Variants in HR observed in about 807,000 individuals in gnomAD.
The protein encoded by HR is lysine-specific demethylase hairless.
Under a neutral mutation model 128.6 loss-of-function variants are expected in HR, and 83 were observed. The ratio of observed to expected loss-of-function variants is 0.65; its 90% CI spans 0.54 to 0.77. The LOEUF is 0.77. Among genes scored for constraint, HR ranks in the 30% least tolerant of loss-of-function variants. The probability of loss-of-function intolerance (pLI) is 0.00; values close to 1 mark genes in which losing one functional copy is unlikely to be tolerated. For synonymous variants in HR, 681 were observed against 658.2 expected, an observed-to-expected ratio of 1.03 and a Z score of -0.53; for missense variants, 1,490 against 1,574.6, an observed-to-expected ratio of 0.95 and a Z score of 0.91.
chr8:22,117,050 A>T lies in HR; in HGVS notation c.3214-11T>A. The T allele has an allele frequency of 6.8e-7, 1 of 1,480,732 alleles. No homozygotes were observed. Among genetic ancestry groups the T allele is most frequent in the Admixed American group, 2.4e-5 (1 of 41,354 alleles). The allele number at this position is 1,480,732 out of a possible 1,614,324, so 91.7% of individuals were successfully genotyped here. A position where few individuals can be genotyped will look rare whatever the true frequency, so the allele number is the denominator to read the frequency against. On this transcript the variant is annotated splice_polypyrimidine_tract_variant and intron_variant, in intron 16 of 18. Coordinates refer to ENST00000381418, the MANE Select transcript of HR (RefSeq NM_005144.5). The stretch of plus-strand genomic sequence containing the variant: ...CCCGGCCGGGCACACCTCAAAGAAG[A>T]GAAGGGGGAATGAGCGAGATGGGGA...
Position 22,127,615 on chromosome 8 carries a change from C to A in HR, c.827G>T (p.Trp276Leu). 1 of 1,611,180 alleles carries A rather than the reference C, an allele frequency of 6.2e-7. No homozygotes were observed. The highest frequency in any genetic ancestry group is 8.5e-7 in the Non-Finnish European group (1 of 1,179,566). ...TGGGGGACAAGCGGGCCAGGAGGTC[C>A]AGGGCACAGTGTCTGGCTGCCCCAG... is the stretch of plus-strand genomic sequence containing the variant. ...LFLGQPDTVP[W>L]TSWPACPPGL... is the part of the protein sequence containing the mutation. Residue 276 changes from tryptophan to leucine, a missense_variant, in exon 3 of 19, where the codon TGG becomes TTG. By Grantham distance (61) the Trp-to-Leu change is moderately conservative. Around this residue, in one of 3 missense-constraint regions of HR, gnomAD observed 1,060 missense variants for 1,060.9 expected, o/e 1.00. Coordinates refer to ENST00000381418, the MANE Select transcript of HR (RefSeq NM_005144.5).
Position 22,125,828 on chromosome 8 carries a change from C to T in HR, c.1406-96G>A. On this transcript the variant is annotated intron_variant, in intron 3 of 18. Transcript: ENST00000381418. ...CGCCCACCCCATCCACACTCAGAGC[C>T]AGCCCAGTTCCTCGCCCCAGGTCTC... 2.2e-6 allele frequency: 3 copies of T among 1,393,738 alleles called. 1 individual carries two copies. The highest frequency in any genetic ancestry group is 4.0e-5 in the Admixed American group (2 of 50,572). 86.3% of individuals were successfully genotyped at this position (1,393,738 alleles called of 1,614,324 possible). A position where few individuals can be genotyped will look rare whatever the true frequency, so the allele number is the denominator to read the frequency against.
chr8:22,125,135 C>T (rs188065434), intron 5 of HR, among the ~76,000 whole-genome samples, 176 bp downstream of exon 5: 12 of 152,360 alleles, frequency 7.9e-5, no homozygotes, highest in Non-Finnish European at 1.5e-4. Context: ...AGCCCAAAAA[C>T]TCCCAGAGAA....
In HR at chr8:22,119,359, G is replaced by A. The variant is rs12677278; in HGVS notation, c.2978-76C>T. 748,767 of 1,595,280 alleles carry A rather than the reference G, an allele frequency of 0.47. 179,972 individuals are homozygous for A. The highest frequency in any genetic ancestry group is 0.68 in the African/African-American group (51,188 of 74,766). On this transcript the variant is annotated intron_variant, in intron 14 of 18. Coordinates refer to ENST00000381418, the MANE Select transcript of HR (RefSeq NM_005144.5). ...CGCGGTTGCTCACGCCTGTAATCCTGGCACTTTGGGAGGCCCAGGCGGGCA... is the reference window on the plus strand; with the variant it reads ...CGCGGTTGCTCACGCCTGTAATCCTAGCACTTTGGGAGGCCCAGGCGGGCA...
In HR at chr8:22,115,443, T is replaced by G; in HGVS notation, c.*257A>C. On this transcript the variant is annotated 3_prime_UTR_variant, in exon 19 of 19. Coordinates refer to ENST00000381418, the MANE Select transcript of HR (RefSeq NM_005144.5). ...ATTGGAGGAAGTCAATTGCCCCCAGTGCGGGCCTGGTACCATGAAAAGGGG... is the reference window on the plus strand; with the variant it reads ...ATTGGAGGAAGTCAATTGCCCCCAGGGCGGGCCTGGTACCATGAAAAGGGG... The G allele has an allele frequency of 8.6e-6, 5 of 584,706 alleles. No individual in the cohort carries two copies. The highest frequency in any genetic ancestry group is 6.0e-5 in the South Asian group (3 of 50,278). 36.2% of individuals were successfully genotyped at this position (584,706 alleles called of 1,614,324 possible).
chr8:22,117,246 A>G (rs1826616698), intron 16 of HR: 9 of 560,058 alleles, frequency 1.6e-5, no homozygotes, highest in Middle Eastern at 4.5e-4. Context: ...GAAGGAGCTT[A>G]GAAGGAAGGG....
chr8:22,118,857 G>T (rs571843103), intron 16 of HR, 93 bp downstream of exon 16: 1 of 1,083,480 alleles, frequency 9.2e-7, no homozygotes, highest in South Asian at 1.3e-5. Flanking sequence ...GTGGGGCAGG[G>T]AGCGAGCACA....
intron 14 of HR, 112 bp from the exon 15 acceptor site, chr8:22,119,395 G>C (rs1826676782): frequency 1.1e-5 from 16 of 1,476,986 alleles, no homozygotes. Flanking sequence ...GATCACCTGA[G>C]GTCAGGAGTT....
At chr8:22,130,086 T>C (rs1243072131) in intron 1 of HR, among the ~76,000 whole-genome samples, 1 of 152,108 alleles carries the variant, frequency 6.6e-6, no homozygotes, top group Non-Finnish European at 1.5e-5. Context: ...GAAAGCGGGC[T>C]GGGCCCCAGA....
Position 22,129,205 on chromosome 8 carries a change from G to T in HR, c.-35C>A, listed in dbSNP as rs762151520. On this transcript the variant is annotated 5_prime_UTR_variant, in exon 2 of 19. Coordinates refer to ENST00000381418, the MANE Select transcript of HR (RefSeq NM_005144.5). ...GCCCTCATGGGGCTCTCCCAGAGGG[G>T]GGTCCCTGGAGCATAACCATCAAAG... The T allele has an allele frequency of 2.6e-6, 4 of 1,516,380 alleles. No individual in the cohort carries two copies. The highest frequency in any genetic ancestry group is 2.3e-5 in the Admixed American group (1 of 44,106). 93.9% of individuals were successfully genotyped at this position (1,516,380 alleles called of 1,614,324 possible).
In HR at chr8:22,120,911, C is replaced by T. The variant is rs1231495092; in HGVS notation, c.2415G>A (p.Val805=). The part of the protein sequence containing the change: ...NILDSIIAQV[V]ERKIQEKALG... Reference sequence around the variant, plus strand: ...GGGCTTTCTCCTGGATCTTCCGTTCCACCACCTGTGCGATAATGCTGTCCA... The same window carrying T: ...GGGCTTTCTCCTGGATCTTCCGTTCTACCACCTGTGCGATAATGCTGTCCA... The change falls in exon 11 of 19, where the codon GTG becomes GTA. Residue 805 remains valine (V), a synonymous_variant. Transcript: ENST00000381418. The T allele has an allele frequency of 8.3e-6, 13 of 1,564,552 alleles. No individual in the cohort carries two copies. In the African/African-American group the frequency reaches 1.2e-4, roughly 15 times the overall value.
At position 22,116,404 on chromosome 8, in the gene HR, T is replaced by G; in HGVS notation, c.3403A>C (p.Ser1135Arg). 2 of 1,613,760 alleles carry G rather than the reference T, an allele frequency of 1.2e-6. No homozygotes were observed. The highest frequency in any genetic ancestry group is 2.7e-5 in the African/African-American group (2 of 75,026). The stretch of plus-strand genomic sequence containing the variant: ...GGGGAGAGGAAGTGCTGAGTGACGC[T>G]GACTGTGCTCACCAGGCCCTGCACC... ...HQVQGLVSTV[S>R]VTQHFLSPET... The change falls in exon 18 of 19, where the codon AGC becomes CGC. Residue 1135 changes from serine to arginine, a missense_variant. Physicochemically the swap from Ser to Arg is moderately radical, Grantham distance 110. Around this residue, in one of 3 missense-constraint regions of HR, gnomAD observed 423 missense variants for 495.9 expected, o/e 0.85. Transcript: ENST00000381418. This position sits in a 1 kb window ranked among gnomAD's most constrained non-coding sequence, Gnocchi z 4.2.
At position 22,117,217 on chromosome 8, in the gene HR, C is replaced by T. The variant is rs143730938; in HGVS notation, c.3214-178G>A. On this transcript the variant is annotated intron_variant, in intron 16 of 18. Coordinates refer to ENST00000381418, the MANE Select transcript of HR (RefSeq NM_005144.5). Reference sequence around the variant, plus strand: ...TTGGGGCTGGGGCAGCTCAGGTTGGCAGAACACACATTTGGCTGGAAGGAG... The same window carrying T: ...TTGGGGCTGGGGCAGCTCAGGTTGGTAGAACACACATTTGGCTGGAAGGAG... 10 of 601,180 alleles carry T rather than the reference C, an allele frequency of 1.7e-5. No individual in the cohort carries two copies. The East Asian group carries it at 3.0e-4, about 18-fold the overall frequency. The allele number at this position is 601,180 out of a possible 1,614,324, so 37.2% of individuals were successfully genotyped here.
In HR at chr8:22,123,771, C is replaced by T. The variant is rs370008675; in HGVS notation, c.1793G>A (p.Arg598His). Residue 598 changes from arginine to histidine, a missense_variant, in exon 6 of 19, where the codon CGC becomes CAC. Transcript: ENST00000381418. The stretch of plus-strand genomic sequence containing the variant: ...TCCATGGTGGCAACGGCTGCAGCAG[C>T]GTGGAATGCCTGGGCTGTCCTCTGT... ...AVTEDSPGIP[R>H]CCSRCHHGLF... 1.2e-5 allele frequency: 20 copies of T among 1,602,888 alleles called. No individual in the cohort carries two copies. The highest frequency in any genetic ancestry group is 5.3e-5 in the African/African-American group (4 of 74,826).
In HR at chr8:22,128,765, C is replaced by T. The variant is rs1237376585; in HGVS notation, c.406G>A (p.Val136Met). ...HSGGHLKSDP[V>M]AFRPWHCPFL... ...GGGCAGTGCCAGGGCCGGAAGGCCA[C>T]AGGGTCACTCTTGAGATGGCCACCA... Residue 136 changes from valine (V) to methionine (M), a missense_variant, in exon 2 of 19, where the codon GTG becomes ATG. By Grantham distance (21) the Val-to-Met change is conservative (BLOSUM62 1). This residue lies in a region of HR where 1,060 missense variants were observed against 1,060.9 expected (regional missense o/e 1.00). Coordinates refer to ENST00000381418, the MANE Select transcript of HR (RefSeq NM_005144.5). The T allele has an allele frequency of 6.2e-7, 1 of 1,607,600 alleles. No individual in the cohort carries two copies. Among genetic ancestry groups the T allele is most frequent in the South Asian group, 1.1e-5 (1 of 90,204 alleles).
In HR at chr8:22,120,397, G is replaced by T. The variant is rs1303364919; in HGVS notation, c.2721C>A (p.Pro907=). The change falls in exon 12 of 19, where the codon CCC becomes CCA. Residue 907 remains proline, a synonymous_variant. Transcript: ENST00000381418. ...TTGTGCTGCCCAGGCTGCTGGGCTGGGGAGGTCCGAGGGGGCTCAGCGCCT... is the reference window on the plus strand; with the variant it reads ...TTGTGCTGCCCAGGCTGCTGGGCTGTGGAGGTCCGAGGGGGCTCAGCGCCT... ...QVQALSPLGP[P]QPSSLGSTTF... 1 of 1,613,948 alleles carries T rather than the reference G, an allele frequency of 6.2e-7. No homozygotes were observed. Among genetic ancestry groups the T allele is most frequent in the Non-Finnish European group, 8.5e-7 (1 of 1,180,018 alleles).
chr8:22,121,188 A>C lies in HR; in HGVS notation c.2244T>G (p.Ala748=). The change falls in exon 10 of 19, where the codon GCT becomes GCG. Residue 748 remains alanine (A), a synonymous_variant. Coordinates refer to ENST00000381418, the MANE Select transcript of HR (RefSeq NM_005144.5). ...DSAETPAEDR[A]GRGPLPCPSL... is the part of the protein sequence containing the mutation. ...AAGGACAAGGCAGGGGCCCTCGGCC[A>C]GCACGGTCCTCTGCTGGGGTCTCAG... 6.2e-7 allele frequency: 1 copy of C among 1,613,938 alleles called. No homozygotes were observed. The highest frequency in any genetic ancestry group is 8.5e-7 in the Non-Finnish European group (1 of 1,180,026).
rs1293169230 is a variant in HR at position 22,127,025 on chromosome 8, T to G, written c.1405+12A>C. The stretch of plus-strand genomic sequence containing the variant: ...CCCACGCAGGGCCTGCAGCCCCTCC[T>G]GGCCCCCTTACCTTTCTGCTCATCA... On this transcript the variant is annotated intron_variant, in intron 3 of 18. Coordinates refer to ENST00000381418, the MANE Select transcript of HR (RefSeq NM_005144.5). The G allele has an allele frequency of 3.8e-6, 6 of 1,582,248 alleles. No individual in the cohort carries two copies. The highest frequency in any genetic ancestry group is 1.3e-5 in the African/African-American group (1 of 74,318).
rs1826688893 is a variant in HR, at chr8:22,119,838, C to T, written c.2899G>A (p.Gly967Arg). ...AGGTAGGAAGCCAGGTTGAGTTTTC[C>T]ATGGAGGGCGCAGTACTCCGGAAGT... is the stretch of plus-strand genomic sequence containing the variant. The part of the protein sequence containing the change: ...LPLPEYCALH[G>R]KLNLASYLPP... The change falls in exon 14 of 19, where the codon GGA becomes AGA. Residue 967 changes from glycine to arginine, a missense_variant. Transcript: ENST00000381418. 1.2e-6 allele frequency: 2 copies of T among 1,613,848 alleles called. No homozygotes were observed. Among genetic ancestry groups the T allele is most frequent in the Non-Finnish European group, 1.7e-6 (2 of 1,180,014 alleles).
Sources: allele counts gnomAD v4.1 joint callset (sites outside exome capture counted in the v4.1 genomes callset), GRCh38; gene constraint gnomAD v4.1.1; regional missense constraint gnomAD v4.1.1; non-coding constraint Gnocchi (gnomAD v3.1); transcripts MANE v1.5; gene names NCBI Gene and HGNC (gene_info 2026-07-23, HGNC 2026-07-21).